Variants in ABHD5 observed in about 807,000 individuals in gnomAD.
The protein encoded by ABHD5 is 1-acylglycerol-3-phosphate O-acyltransferase ABHD5.
A neutral mutation model predicts 44.9 loss-of-function variants in ABHD5; 30 were observed. That is an observed-to-expected ratio of 0.67 (90% confidence interval 0.50 to 0.91). ABHD5 has a LOEUF of 0.91. Among genes scored for constraint, ABHD5 ranks in the 40% least tolerant of loss-of-function variants. The probability of loss-of-function intolerance (pLI) is 0.00; values close to 1 mark genes in which losing one functional copy is unlikely to be tolerated. For missense variants in ABHD5, 399 were observed against 423.4 expected (o/e 0.94, Z 0.50); for synonymous variants, 167 against 147.0 (o/e 1.14, Z -0.99).
chr3:43,722,437 T>A lies in ABHD5; in HGVS notation c.*3905T>A, dbSNP rs2084847488. 6.6e-6 allele frequency: 1 copy of A among 152,204 alleles called. No individual in the cohort carries two copies. Among genetic ancestry groups the A allele is most frequent in the South Asian group, 2.1e-4 (1 of 4,832 alleles). The allele number at this position is 152,204 out of a possible 1,614,324, so 9.4% of individuals were successfully genotyped here. On this transcript the variant is annotated 3_prime_UTR_variant, in exon 7 of 7. Coordinates refer to ENST00000644371, the MANE Select transcript of ABHD5 (RefSeq NM_016006.6). ...TAGAAGAATTAGTTATACCAATAAC[T>A]AATAAAATGATCTCCTTGTTAGTGG...
At position 43,702,256 on chromosome 3, in the gene ABHD5, A is replaced by G; in HGVS notation, c.175A>G (p.Asn59Asp). The G allele has an allele frequency of 3.1e-6, 5 of 1,595,912 alleles. No individual in the cohort carries two copies. Among genetic ancestry groups the G allele is most frequent in the Non-Finnish European group, 4.3e-6 (5 of 1,168,226 alleles). ...TYKKEPVRIS[N>D]GNKIWTLKFS... Reference sequence around the variant, plus strand: ...CAAAAAAGAACCTGTTCGTATATCTAATGGAAATAAAATATGGACACTGAA... The same window carrying G: ...CAAAAAAGAACCTGTTCGTATATCTGATGGAAATAAAATATGGACACTGAA... The change falls in exon 3 of 7, where the codon AAT becomes GAT. Residue 59 changes from asparagine to aspartate, a missense_variant. Asn to Asp is a conservative substitution (Grantham distance 23). Transcript: ENST00000644371.
chr3:43,705,846 C>T (rs2149598542), intron 3 of ABHD5, among the ~76,000 whole-genome samples: 1 of 152,224 alleles, frequency 6.6e-6, no homozygotes, highest in Middle Eastern at 3.4e-3. Context: ...ATTTATATTA[C>T]TAATAATGTT....
downstream of ABHD5, among the ~76,000 whole-genome samples, chr3:43,726,080 G>A (rs1012635756): frequency 2.0e-5 from 3 of 152,056 alleles, no homozygotes; most frequent in African/African-American, 7.2e-5. Context: ...TAGCCAGGAT[G>A]GTCTCAATCT....
chr3:43,700,313 C>T (rs1376228734), intron 2 of ABHD5, among the ~76,000 whole-genome samples: 1 of 152,080 alleles, frequency 6.6e-6, no homozygotes, highest in African/African-American at 2.4e-5. Flanking sequence ...ACCATCAGGG[C>T]ATTCCAAGGT....
At chr3:43,728,266 A>G (rs771925927) in intron 7 of ABHD5, among the ~76,000 whole-genome samples, 1 of 152,234 alleles carries the variant, frequency 6.6e-6, no homozygotes, top group Non-Finnish European at 1.5e-5. Flanking sequence ...AAAAATGCCA[A>G]ATTCTCTTAA....
chr3:43,714,983 A>C lies in ABHD5; in HGVS notation c.698A>C (p.Lys233Thr), dbSNP rs769504371. The change falls in exon 5 of 7, where the codon AAA becomes ACA. Residue 233 changes from lysine (K) to threonine (T), a missense_variant. By Grantham distance (78) the Lys-to-Thr change is moderately conservative. Coordinates refer to ENST00000644371, the MANE Select transcript of ABHD5 (RefSeq NM_016006.6). ...SLVQRLRPDFKRKYSSMFEDD... is the reference protein window; with the variant it reads ...SLVQRLRPDFTRKYSSMFEDD... ...GTGCAGCGTTTAAGGCCTGATTTCA[A>C]ACGAAAGTATTCTTCAATGTTCGAA... 3.7e-6 allele frequency: 6 copies of C among 1,613,636 alleles called. No homozygotes were observed. The highest frequency in any genetic ancestry group is 5.1e-6 in the Non-Finnish European group (6 of 1,179,752).
intron 1 of ABHD5, chr3:43,691,709 A>G (rs1007463017): frequency 6.6e-6 from 1 of 152,264 alleles, no homozygotes; most frequent in East Asian, 1.9e-4. Flanking sequence ...GATACTTCAT[A>G]GAAAGAAAGT....
intron 6 of ABHD5, 88 bp downstream of exon 6, chr3:43,717,945 G>T: frequency 6.4e-7 from 1 of 1,551,508 alleles, no homozygotes; most frequent in Admixed American, 1.7e-5. Flanking sequence ...TCATCCTCGT[G>T]TTGCAGGTCA....
Position 43,691,273 on chromosome 3 carries a change from G to A in ABHD5, c.47+234G>A, listed in dbSNP as rs531911118. The A allele has an allele frequency of 5.6e-4, 210 of 375,616 alleles. 1 individual carries two copies. The highest frequency in any genetic ancestry group is 4.1e-3 in the African/African-American group (195 of 47,652). The allele number at this position is 375,616 out of a possible 1,614,324, so 23.3% of individuals were successfully genotyped here. Reference sequence around the variant, plus strand: ...CCCCGAGGTGTCTGAGCCGGACTCCGGCCGCGCCGGGAGGCCGCCTTGACC... The same window carrying A: ...CCCCGAGGTGTCTGAGCCGGACTCCAGCCGCGCCGGGAGGCCGCCTTGACC... On this transcript the variant is annotated intron_variant, in intron 1 of 6. Coordinates refer to ENST00000644371, the MANE Select transcript of ABHD5 (RefSeq NM_016006.6).
At chr3:43,715,268 C>G (rs1048244036) in intron 5 of ABHD5, among the ~76,000 whole-genome samples, 1 of 152,164 alleles carries the variant, frequency 6.6e-6, no homozygotes, top group African/African-American at 2.4e-5. Flanking sequence ...TCAAGCAATT[C>G]TCCTGCTTCA....
chr3:43,726,591 T>G (rs542093009), downstream of ABHD5, among the ~76,000 whole-genome samples: 1 of 152,330 alleles, frequency 6.6e-6, no homozygotes, highest in South Asian at 2.1e-4. Context: ...CACAATGACC[T>G]CTTAGCTTCA....
intron 7 of ABHD5, among the ~76,000 whole-genome samples, chr3:43,729,922 A>G (rs1030935137): frequency 2.6e-5 from 4 of 152,170 alleles, no homozygotes; most frequent in African/African-American, 9.6e-5. Flanking sequence ...TGTTAACTAT[A>G]CTGCAAAGTA....
chr3:43,700,259 C>CT (rs981875220), intron 2 of ABHD5, among the ~76,000 whole-genome samples: 11 of 152,034 alleles, frequency 7.2e-5, no homozygotes, highest in African/African-American at 2.4e-4. Flanking sequence ...GTGGAAGCCC[C>CT]TTTTTTTTCC....
At chr3:43,693,458 CTCTA>C (rs1423641833) in intron 1 of ABHD5, among the ~76,000 whole-genome samples, 2 of 152,158 alleles carry the variant, frequency 1.3e-5, no homozygotes, top group Non-Finnish European at 2.9e-5. Flanking sequence ...GAGTGGATTT[CTCTA>C]TCTAATCTTT....
At chr3:43,715,129 GT>G in intron 5 of ABHD5, 71 bp downstream of exon 5, 1 of 1,039,676 alleles carries the variant, frequency 9.6e-7, no homozygotes, top group Non-Finnish European at 1.5e-6. Flanking sequence ...GTTTGTGTGT[GT>G]TTTAGACTAT....
At chr3:43,706,915 A>G (rs1318529237) in intron 3 of ABHD5, among the ~76,000 whole-genome samples, 1 of 152,140 alleles carries the variant, frequency 6.6e-6, no homozygotes, top group Non-Finnish European at 1.5e-5. Context: ...AGCCATAACT[A>G]CTTCAGTCCT....
At chr3:43,713,141 C>T (rs149465896) in intron 4 of ABHD5, among the ~76,000 whole-genome samples, 3,211 of 151,846 alleles carry the variant, frequency 0.021, 55 homozygotes, top group South Asian at 0.092. Context: ...CATGACAAAA[C>T]CCCATCTCTA....
At chr3:43,711,347 C>T (rs1201791039) in intron 3 of ABHD5, among the ~76,000 whole-genome samples, 1 of 152,142 alleles carries the variant, frequency 6.6e-6, no homozygotes, top group Non-Finnish European at 1.5e-5. Context: ...ATACATGGAA[C>T]CATTGGATTT....
intron 4 of ABHD5, among the ~76,000 whole-genome samples, chr3:43,713,849 C>T (rs867282721): frequency 6.6e-6 from 1 of 151,732 alleles, no homozygotes; most frequent in South Asian, 2.1e-4. Flanking sequence ...CCTCAGCCTG[C>T]CATTATTGCT....
Sources: gnomAD v4.1 joint callset for allele counts (sites outside exome capture counted in the v4.1 genomes callset) on GRCh38, gnomAD v4.1.1 for gene constraint, MANE v1.5 for transcripts, NCBI Gene and HGNC (gene_info 2026-07-23, HGNC 2026-07-21) for gene names.